The following CLMP variants were observed in gnomAD, a reference collection of about 807,000 sequenced individuals.
CLMP encodes the protein CXADR-like membrane protein.
In CLMP, 27 loss-of-function variants were observed where a neutral mutation model predicts 45.2. The ratio of observed to expected loss-of-function variants is 0.60; its 90% confidence interval spans 0.44 to 0.82. The LOEUF is 0.82. CLMP is among the 40% of genes least tolerant of loss of function. CLMP has a pLI of 0.00. For missense variants in CLMP, 403 were observed against 448.4 expected, an observed-to-expected ratio of 0.90 and a Z score of 0.91; for synonymous variants, 167 against 171.4, an observed-to-expected ratio of 0.97 and a Z score of 0.20.
intron 1 of CLMP, among the ~76,000 whole-genome samples, chr11:123,157,092 C>A (rs1861424700): frequency 6.6e-6 from 1 of 152,128 alleles, no homozygotes; most frequent in South Asian, 2.1e-4. Context: ...AACTCAGAGG[C>A]ACTTGGAGAG....
intron 1 of CLMP, among the ~76,000 whole-genome samples, chr11:123,157,509 C>T (rs757526430): frequency 4.6e-5 from 7 of 152,152 alleles, no homozygotes; most frequent in Non-Finnish European, 8.8e-5. Flanking sequence ...GCCGAGATCG[C>T]GCCATTGCAC....
intron 5 of CLMP, among the ~76,000 whole-genome samples, chr11:123,076,170 A>AAT (rs1865738083): frequency 6.6e-6 from 1 of 152,074 alleles, no homozygotes; most frequent in Admixed American, 6.6e-5. Flanking sequence ...AAAAAAAAAA[A>AAT]TTTTGAGTAG....
chr11:123,090,102 A>G (rs1865913026), intron 2 of CLMP, among the ~76,000 whole-genome samples: 3 of 151,762 alleles, frequency 2.0e-5, no homozygotes, highest in South Asian at 4.2e-4. Context: ...AGAAAAAAAA[A>G]AAAATTTCTT....
chr11:123,157,010 A>G (rs10400332), intron 1 of CLMP, among the ~76,000 whole-genome samples: 27,715 of 152,236 alleles, frequency 0.18, 2,716 homozygotes, highest in South Asian at 0.25. Flanking sequence ...ATTTACTCCC[A>G]GGAAAACAGA....
chr11:123,150,708 T>A (rs1266220082), intron 1 of CLMP, among the ~76,000 whole-genome samples: 2 of 152,092 alleles, frequency 1.3e-5, no homozygotes, highest in African/African-American at 4.8e-5. Context: ...ATTCTGAAAG[T>A]CATGACTTCT....
At chr11:123,130,657 G>A (rs1860972274) in intron 1 of CLMP, among the ~76,000 whole-genome samples, 1 of 151,974 alleles carries the variant, frequency 6.6e-6, no homozygotes, top group Admixed American at 6.6e-5. Flanking sequence ...ATGGACAGCA[G>A]GCATTCTGGG....
chr11:123,073,700 G>T lies in CLMP; in HGVS notation c.896C>A (p.Ser299Tyr). 1.2e-6 allele frequency: 2 copies of T among 1,614,172 alleles called. No individual in the cohort carries two copies. The highest frequency in any genetic ancestry group is 1.7e-6 in the Non-Finnish European group (2 of 1,180,008). ...SSSSGSRSSRSGSSSTRSTAN... is the reference protein window; with the variant it reads ...SSSSGSRSSRYGSSSTRSTAN... ...TGTGGAGCGAGTGGAGGAAGAACCA[G>T]AGCGTGAGCTCCGAGAGCCTGAGGA... Residue 299 changes from serine (S) to tyrosine (Y), a missense_variant, in exon 7 of 7, where the codon TCT (serine) becomes TAT (tyrosine). By Grantham distance (144) the Ser-to-Tyr change is moderately radical. Transcript: ENST00000448775.
chr11:123,117,040 G>A (rs991302197), intron 1 of CLMP, among the ~76,000 whole-genome samples: 1 of 152,122 alleles, frequency 6.6e-6, no homozygotes, highest in Non-Finnish European at 1.5e-5. Flanking sequence ...CCTGAGGTTA[G>A]GAGTTCGAGA....
At chr11:123,120,439 G>C (rs574914357) in intron 1 of CLMP, among the ~76,000 whole-genome samples, 39 of 152,080 alleles carry the variant, frequency 2.6e-4, no homozygotes, top group African/African-American at 9.2e-4. Context: ...TCTCTTGGAT[G>C]GCATTATAAG....
intron 1 of CLMP, among the ~76,000 whole-genome samples, chr11:123,160,660 T>A (rs187109543): frequency 1.6e-3 from 247 of 152,216 alleles, no homozygotes; most frequent in Non-Finnish European, 2.7e-3. Context: ...TCTATAAACA[T>A]CTCAGGCATG....
intron 2 of CLMP, 81 bp from the exon 3 acceptor site, chr11:123,084,794 G>A: frequency 8.1e-7 from 1 of 1,235,400 alleles, no homozygotes; most frequent in Non-Finnish European, 1.2e-6. Flanking sequence ...AGGAAAGGGA[G>A]TACTCCCAGT....
At chr11:123,136,237 T>C in intron 1 of CLMP, 1 of 650,992 alleles carries the variant, frequency 1.5e-6, no homozygotes, top group East Asian at 3.6e-5. Context: ...TCTGGGTAGC[T>C]ACTGCGTATT....
rs544128953 is a variant in CLMP at position 123,112,338 on chromosome 11, C to CTT, written c.29-14388_29-14387dup. ...AATTTCTTTCTTTCTTTTTCTTTTT[C>CTT]TTTTTTTTTTTTTTTTGAGACGGAG... On this transcript the variant is annotated intron_variant, in intron 1 of 6. Transcript: ENST00000448775. Among the ~76,000 whole-genome samples, 391 of 137,538 alleles carry CTT rather than the reference C, an allele frequency of 2.8e-3. 6 individuals carry two copies. The highest frequency in any genetic ancestry group is 0.013 in the Admixed American group (165 of 13,042). 90.2% of individuals were successfully genotyped at this position (137,538 alleles called of 152,430 possible). A position where few individuals can be genotyped will look rare whatever the true frequency, so the allele number is the denominator to read the frequency against.
chr11:123,128,124 A>G (rs145708626), intron 1 of CLMP, among the ~76,000 whole-genome samples: 79 of 152,146 alleles, frequency 5.2e-4, no homozygotes, highest in African/African-American at 1.7e-3. Context: ...AAATCAATTA[A>G]TCATAGTAAT....
At chr11:123,137,551 C>T (rs1457391063) in intron 1 of CLMP, among the ~76,000 whole-genome samples, 7 of 151,966 alleles carry the variant, frequency 4.6e-5, no homozygotes, top group African/African-American at 9.7e-5. Context: ...CTTTGGACGG[C>T]GCTGGCCAAG....
At chr11:123,116,709 G>A (rs982303040) in intron 1 of CLMP, among the ~76,000 whole-genome samples, 7 of 152,160 alleles carry the variant, frequency 4.6e-5, no homozygotes, top group East Asian at 3.8e-4. Context: ...ACAACATCTC[G>A]TAAGAGTAGG....
rs1192358273 is a variant in CLMP at position 123,071,265 on chromosome 11, T to C, written c.*2209A>G. 5.9e-5 allele frequency: 9 copies of C among 152,066 alleles called. No individual in the cohort carries two copies. Among genetic ancestry groups the C allele is most frequent in the Admixed American group, 5.9e-4 (9 of 15,240 alleles). The allele number at this position is 152,066 out of a possible 1,614,324, so 9.4% of individuals were successfully genotyped here. A position where few individuals can be genotyped will look rare whatever the true frequency, so the allele number is the denominator to read the frequency against. ...GCCTGGTCAACATGGCGAAACCCCATCTCTACTAAAAATACAAAAATTAGC... is the reference window on the plus strand; with the variant it reads ...GCCTGGTCAACATGGCGAAACCCCACCTCTACTAAAAATACAAAAATTAGC... On this transcript the variant is annotated 3_prime_UTR_variant, in exon 7 of 7. Transcript: ENST00000448775.
At chr11:123,175,446 C>T (rs920868534) in intron 1 of CLMP, among the ~76,000 whole-genome samples, 38 of 152,130 alleles carry the variant, frequency 2.5e-4, no homozygotes, top group African/African-American at 7.7e-4. Flanking sequence ...GTGGGGATTA[C>T]GGGTCCCTCC....
chr11:123,081,415 C>T (rs1865802588), intron 5 of CLMP, among the ~76,000 whole-genome samples: 1 of 151,550 alleles, frequency 6.6e-6, no homozygotes, highest in African/African-American at 2.4e-5. Context: ...TTTAACACTG[C>T]AAACATGGCT....
Sources: gnomAD v4.1 joint callset for allele counts (sites outside exome capture counted in the v4.1 genomes callset) on GRCh38, gnomAD v4.1.1 for gene constraint, MANE v1.5 for transcripts, NCBI Gene and HGNC (gene_info 2026-07-23, HGNC 2026-07-21) for gene names.